Variants in NRG1 observed in about 807,000 individuals in gnomAD.
NRG1 encodes neuregulin 1.
NRG1 carries 18 observed loss-of-function variants against 63.8 expected under a neutral mutation model. That is an observed-to-expected ratio of 0.28 (90% CI 0.19 to 0.42). The LOEUF (loss-of-function observed/expected upper bound fraction) is 0.42. NRG1 is among the 10% of genes least tolerant of loss of function. The pLI, the probability that NRG1 is intolerant of heterozygous loss-of-function variation, is 1.00. For synonymous variants in NRG1, 302 were observed against 301.3 expected (o/e 1.00, Z -0.02); for missense variants, 762 against 814.7 (o/e 0.94, Z 0.79).
intron 1 of NRG1, among the ~76,000 whole-genome samples, chr8:31,903,634 T>G (rs1034729236): frequency 5.3e-5 from 8 of 152,154 alleles, no homozygotes; most frequent in Non-Finnish European, 1.2e-4. Context: ...CATATCTAAA[T>G]TTATACTGGC....
chr8:32,405,005 G>A (rs16879344), intron 1 of NRG1, among the ~76,000 whole-genome samples: 9,663 of 152,190 alleles, frequency 0.063, 1,066 homozygotes, highest in East Asian at 0.57. Context: ...GGGTTGTACC[G>A]CCAATCACTA....
chr8:32,621,596 A>G (rs1197457285), intron 5 of NRG1, among the ~76,000 whole-genome samples: 1 of 152,236 alleles, frequency 6.6e-6, no homozygotes, highest in Non-Finnish European at 1.5e-5. Flanking sequence ...TGAGGAAAAC[A>G]AAACGGAAAA....
chr8:31,729,681 G>A (rs140161526), intron 1 of NRG1, among the ~76,000 whole-genome samples: 7 of 152,176 alleles, frequency 4.6e-5, no homozygotes, highest in Admixed American at 3.9e-4. Flanking sequence ...ATTTAAGACA[G>A]TTTATCAGAA....
chr8:32,631,751 A>G (rs1199183586), intron 5 of NRG1, among the ~76,000 whole-genome samples: 1 of 152,186 alleles, frequency 6.6e-6, no homozygotes, highest in African/African-American at 2.4e-5. Context: ...ACCAAACTGC[A>G]TGCTTAATTC....
At chr8:31,913,134 A>G (rs1256949242) in intron 1 of NRG1, among the ~76,000 whole-genome samples, 4 of 152,178 alleles carry the variant, frequency 2.6e-5, no homozygotes, top group African/African-American at 4.8e-5. Flanking sequence ...TCAGTTTGCT[A>G]TAGCTAGAAT....
intron 1 of NRG1, among the ~76,000 whole-genome samples, chr8:31,653,414 C>T (rs932848104): frequency 1.2e-4 from 19 of 152,090 alleles, no homozygotes; most frequent in African/African-American, 4.6e-4. Context: ...AGTGAATGAA[C>T]AGAACACAAG....
At chr8:32,359,221 G>A (rs1806889557) in intron 1 of NRG1, among the ~76,000 whole-genome samples, 1 of 152,104 alleles carries the variant, frequency 6.6e-6, no homozygotes, top group African/African-American at 2.4e-5. Context: ...GACGGAAAAG[G>A]ATTTTTAATT....
intron 1 of NRG1, among the ~76,000 whole-genome samples, chr8:32,036,135 A>G (rs1273660871): frequency 2.0e-5 from 3 of 152,182 alleles, no homozygotes; most frequent in Non-Finnish European, 2.9e-5. Flanking sequence ...GGTGGTGACA[A>G]ACTCCCTCAG....
chr8:32,704,806 C>A (rs1324177653), intron 5 of NRG1, among the ~76,000 whole-genome samples: 4 of 152,132 alleles, frequency 2.6e-5, no homozygotes, highest in African/African-American at 9.7e-5. Context: ...TTATCATTTA[C>A]AGACAGGTTT....
At chr8:31,918,074 G>A (rs1156757275) in intron 1 of NRG1, among the ~76,000 whole-genome samples, 2 of 152,192 alleles carry the variant, frequency 1.3e-5, no homozygotes, top group Non-Finnish European at 2.9e-5. Context: ...CTTTGCTGAA[G>A]TTGCTTATCA....
intron 1 of NRG1, among the ~76,000 whole-genome samples, chr8:32,333,732 A>G (rs1211076874): frequency 1.3e-5 from 2 of 152,230 alleles, no homozygotes; most frequent in Admixed American, 6.5e-5. Context: ...ATGGAACGTT[A>G]TAAAACCACC....
At chr8:31,929,676 G>A (rs1420366866) in intron 1 of NRG1, among the ~76,000 whole-genome samples, 2 of 151,996 alleles carry the variant, frequency 1.3e-5, no homozygotes, top group Non-Finnish European at 2.9e-5. Context: ...GCTATAAATT[G>A]CCCAACTAAG....
intron 1 of NRG1, among the ~76,000 whole-genome samples, chr8:32,557,442 G>A (rs1206345511): frequency 6.6e-6 from 1 of 152,192 alleles, no homozygotes; most frequent in Non-Finnish European, 1.5e-5. Flanking sequence ...TAAAATTATA[G>A]TATTCCTTTT....
chr8:32,008,896 C>T (rs1814251923), intron 1 of NRG1, among the ~76,000 whole-genome samples: 1 of 152,044 alleles, frequency 6.6e-6, no homozygotes. Flanking sequence ...CAGAGAAGCA[C>T]TGGGAAAATC....
chr8:32,570,396 A>G (rs960552608), intron 1 of NRG1, among the ~76,000 whole-genome samples: 4 of 152,152 alleles, frequency 2.6e-5, no homozygotes, highest in African/African-American at 9.7e-5. Flanking sequence ...AACAGACATG[A>G]TTCTTATCCA....
intron 1 of NRG1, among the ~76,000 whole-genome samples, chr8:31,792,299 T>C (rs1563407490): frequency 6.6e-6 from 1 of 152,260 alleles, no homozygotes; most frequent in East Asian, 1.9e-4. Context: ...AATGCCTATT[T>C]ATTCCTGGAA....
At chr8:31,675,179 T>C (rs1257397262) in intron 1 of NRG1, among the ~76,000 whole-genome samples, 2 of 152,080 alleles carry the variant, frequency 1.3e-5, no homozygotes, top group Admixed American at 6.6e-5. Flanking sequence ...CCCATCTCTA[T>C]TAAAAATACA....
intron 1 of NRG1, among the ~76,000 whole-genome samples, chr8:31,686,244 C>T (rs558382713): frequency 2.0e-5 from 3 of 152,112 alleles, no homozygotes; most frequent in South Asian, 4.1e-4. Context: ...TGTTTTTGAA[C>T]ACAGCAGCTT....
chr8:32,058,282 G>C (rs1039899124), intron 1 of NRG1, among the ~76,000 whole-genome samples: 3 of 151,864 alleles, frequency 2.0e-5, no homozygotes, highest in African/African-American at 7.3e-5. Context: ...TGTATATAAA[G>C]GCTATTTATA....
Sources: gnomAD v4.1 joint callset for allele counts (sites outside exome capture counted in the v4.1 genomes callset) on GRCh38, gnomAD v4.1.1 for gene constraint, MANE v1.5 for transcripts, NCBI Gene and HGNC (gene_info 2026-07-23, HGNC 2026-07-21) for gene names.